The following PTPRD variants were observed in gnomAD, a reference collection of about 807,000 sequenced individuals.
The protein encoded by PTPRD is receptor-type tyrosine-protein phosphatase delta.
A neutral mutation model predicts 214.5 loss-of-function variants in PTPRD; 34 were observed. That is an observed-to-expected ratio of 0.16 (90% confidence interval 0.12 to 0.21). The LOEUF (loss-of-function observed/expected upper bound fraction) is 0.21, where lower values mean the gene tolerates loss of function less well. Ranked by LOEUF, PTPRD falls within the 10% of genes least tolerant of loss-of-function variation. The pLI, the probability that PTPRD is intolerant of heterozygous loss-of-function variation, is 1.00. For missense variants in PTPRD, 2,545 were observed against 2,398.7 expected, an observed-to-expected ratio of 1.06 and a Z score of -1.27; for synonymous variants, 1,128 against 845.7, an observed-to-expected ratio of 1.33 and a Z score of -5.79.
chr9:10,156,120 G>GTGTA (rs1554755823), intron 3 of PTPRD, among the ~76,000 whole-genome samples: 7 of 139,796 alleles, frequency 5.0e-5, no homozygotes, highest in African/African-American at 2.0e-4. Flanking sequence ...GTGTGTGTGT[G>GTGTA]TGTGCCTGTC....
intron 7 of PTPRD, among the ~76,000 whole-genome samples, chr9:9,620,703 C>A (rs2095189879): frequency 6.6e-6 from 1 of 152,002 alleles, no homozygotes; most frequent in Non-Finnish European, 1.5e-5. Context: ...AAAACAGGTT[C>A]TGGCTTCAGA....
intron 7 of PTPRD, among the ~76,000 whole-genome samples, chr9:9,666,085 A>G (rs2096715953): frequency 1.3e-5 from 2 of 151,902 alleles, no homozygotes; most frequent in Non-Finnish European, 2.9e-5. Flanking sequence ...AACTATCCAC[A>G]TATCAAGTTG....
At chr9:9,809,106 C>T (rs1006209595) in intron 5 of PTPRD, among the ~76,000 whole-genome samples, 10 of 151,946 alleles carry the variant, frequency 6.6e-5, no homozygotes, top group Admixed American at 3.9e-4. Context: ...ATTTAATCCC[C>T]AACTATGTGG....
At chr9:9,422,111 G>A (rs2079043905) in intron 8 of PTPRD, among the ~76,000 whole-genome samples, 1 of 152,086 alleles carries the variant, frequency 6.6e-6, no homozygotes, top group Non-Finnish European at 1.5e-5. Flanking sequence ...TGTGTACTGT[G>A]TGATTGGTAC....
At chr9:8,424,638 TATAAAA>T (rs2094546830) in intron 35 of PTPRD, among the ~76,000 whole-genome samples, 1 of 149,258 alleles carries the variant, frequency 6.7e-6, no homozygotes. Context: ...AAAAAAATGA[TATAAAA>T]ATACTCTGTT....
intron 3 of PTPRD, among the ~76,000 whole-genome samples, chr9:10,301,580 C>T (rs1204625229): frequency 6.6e-6 from 1 of 152,072 alleles, no homozygotes; most frequent in Non-Finnish European, 1.5e-5. Flanking sequence ...CATAAATAAA[C>T]TGATAGAGCT....
At chr9:10,152,590 C>T (rs756500676) in intron 3 of PTPRD, among the ~76,000 whole-genome samples, 9 of 152,126 alleles carry the variant, frequency 5.9e-5, no homozygotes, top group Non-Finnish European at 8.8e-5. Context: ...CTTTGGGAGG[C>T]CGAGGTGGGC....
At chr9:8,321,930 C>T (rs79080508) in intron 44 of PTPRD, among the ~76,000 whole-genome samples, 2 of 152,008 alleles carry the variant, frequency 1.3e-5, no homozygotes, top group African/African-American at 4.8e-5. Context: ...TCCACCAGCA[C>T]ATACTTGGTT....
rs34225956 is a variant in PTPRD at position 10,285,605 on chromosome 9, C to CTTTTT, written c.-545+55353_-545+55357dup. Among the ~76,000 whole-genome samples the CTTTTT allele has an allele frequency of 9.5e-3, 989 of 104,028 alleles. 42 individuals are homozygous for CTTTTT. Among genetic ancestry groups the CTTTTT allele is most frequent in the South Asian group, 0.048 (127 of 2,662 alleles). The allele number at this position is 104,028 out of a possible 152,430, so 68.2% of individuals were successfully genotyped here. On this transcript the variant is annotated intron_variant, in intron 3 of 45. Coordinates refer to ENST00000381196, the MANE Select transcript of PTPRD (RefSeq NM_002839.4). ...GTTTCATATTATTTTGGGGTCTCAT[C>CTTTTT]TTTTTTTTTTTTTTTTTTTTTTTGA...
chr9:8,726,840 G>A (rs1031632381), intron 12 of PTPRD, among the ~76,000 whole-genome samples: 20 of 148,172 alleles, frequency 1.3e-4, no homozygotes, highest in South Asian at 4.3e-4. Flanking sequence ...GCATGGTGGC[G>A]CGTGCCTGTA....
At position 9,492,326 on chromosome 9, in the gene PTPRD, TAAA is replaced by T. The variant is rs67958740; in HGVS notation, c.-237+82403_-237+82405del. Among the ~76,000 whole-genome samples, 578 of 134,790 alleles carry T rather than the reference TAAA, an allele frequency of 4.3e-3. 1 individual carries two copies. The highest frequency in any genetic ancestry group is 0.011 in the African/African-American group (408 of 37,592). The allele number at this position is 134,790 out of a possible 152,430, so 88.4% of individuals were successfully genotyped here. A position where few individuals can be genotyped will look rare whatever the true frequency, so the allele number is the denominator to read the frequency against. ...GACTCACTAGTGAATTTACTAAACA[TAAA>T]AAAAAAAAAAAAACTAACATAAATT... On this transcript the variant is annotated intron_variant, in intron 8 of 45. Transcript: ENST00000381196.
In PTPRD at chr9:10,266,007, A is replaced by C. The variant is rs2094028143; in HGVS notation, c.-545+74956T>G. 2.0e-5 allele frequency among the ~76,000 whole-genome samples: 3 copies of C among 152,198 alleles called. No homozygotes were observed. In the South Asian group the frequency reaches 6.2e-4, roughly 32 times the overall value. ...AGTGATCATGTAAAACTTTGAATAT[A>C]TTACTAAACTTATATTAACTAGAAA... On this transcript the variant is annotated intron_variant, in intron 3 of 45. Coordinates refer to ENST00000381196, the MANE Select transcript of PTPRD (RefSeq NM_002839.4).
At chr9:8,640,170 C>T (rs2096541659) in intron 12 of PTPRD, among the ~76,000 whole-genome samples, 1 of 152,084 alleles carries the variant, frequency 6.6e-6, no homozygotes, top group Non-Finnish European at 1.5e-5. Context: ...GCTCAAGGAT[C>T]CTCCCGCCTC....
At position 9,654,421 on chromosome 9, in the gene PTPRD, CAT is replaced by C. The variant is rs144274666; in HGVS notation, c.-286-79642_-286-79641del. 4.8e-3 allele frequency among the ~76,000 whole-genome samples: 728 copies of C among 151,966 alleles called. 6 individuals are homozygous for C. Among genetic ancestry groups the C allele is most frequent in the African/African-American group, 0.017 (685 of 41,444 alleles). Reference sequence around the variant, plus strand: ...TTTGCAAATATATCATACATATATACATATATATGTGTGTGTGTGCACATGTA... The same window carrying C: ...TTTGCAAATATATCATACATATATACATATATGTGTGTGTGTGCACATGTA... On this transcript the variant is annotated intron_variant, in intron 7 of 45. Coordinates refer to ENST00000381196, the MANE Select transcript of PTPRD (RefSeq NM_002839.4).
chr9:9,527,386 G>T (rs755262104), intron 8 of PTPRD, among the ~76,000 whole-genome samples: 1 of 152,172 alleles, frequency 6.6e-6, no homozygotes, highest in Non-Finnish European at 1.5e-5. Context: ...CATGTGAAGC[G>T]TGGGCACTTG....
At chr9:9,163,580 G>C (rs7047272) in intron 10 of PTPRD, among the ~76,000 whole-genome samples, 2,910 of 149,808 alleles carry the variant, frequency 0.019, 88 homozygotes, top group African/African-American at 0.068. Context: ...CTTTTTTCCC[G>C]TCAAAATCTC....
chr9:10,092,824 A>G (rs535826288), intron 3 of PTPRD, among the ~76,000 whole-genome samples: 11 of 151,630 alleles, frequency 7.3e-5, no homozygotes, highest in Middle Eastern at 3.4e-3. Context: ...CTGATCTGCA[A>G]CAAAGTTGAC....
intron 2 of PTPRD, among the ~76,000 whole-genome samples, chr9:10,496,968 T>TA (rs1022573842): frequency 8.6e-5 from 13 of 152,038 alleles, no homozygotes; most frequent in African/African-American, 3.1e-4. Context: ...TACACAGCCA[T>TA]AAAAAAGAAT....
At chr9:10,203,251 G>C (rs925242930) in intron 3 of PTPRD, among the ~76,000 whole-genome samples, 1 of 150,432 alleles carries the variant, frequency 6.6e-6, no homozygotes, top group Admixed American at 6.6e-5. Context: ...CTGACGGCTT[G>C]GTGGCTAGCA....
Sources: allele counts gnomAD v4.1 joint callset (sites outside exome capture counted in the v4.1 genomes callset), GRCh38; gene constraint gnomAD v4.1.1; transcripts MANE v1.5; gene names NCBI Gene and HGNC (gene_info 2026-07-23, HGNC 2026-07-21).